Variants in METTL9 observed in about 807,000 individuals in gnomAD.
METTL9 encodes the protein methyltransferase 9, His-X-His N1(pi)-histidine.
In METTL9, 10 loss-of-function variants were observed where a neutral mutation model predicts 36.0. That is an observed-to-expected ratio of 0.28 (90% CI 0.17 to 0.47). The LOEUF (loss-of-function observed/expected upper bound fraction) is 0.47. METTL9 is among the 20% of genes least tolerant of loss of function. METTL9 has a pLI of 0.99. For synonymous variants in METTL9, 175 were observed against 149.7 expected (o/e 1.17, Z -1.23); for missense variants, 246 against 383.5 (o/e 0.64, Z 3.00).
rs138188044 is a variant in METTL9 at position 21,624,973 on chromosome 16, T to C, written c.609T>C (p.Tyr203=). 2.1e-4 allele frequency: 342 copies of C among 1,614,164 alleles called. 3 individuals carry two copies. The East Asian group carries it at 7.5e-3, about 36-fold the overall frequency. ...AATGGCAGAATACGGGGTTCCAGTA[T>C]GATGTCATCAGCTGCCTGAACTTGC... ...INEWQNTGFQ[Y]DVISCLNLLD... Residue 203 remains tyrosine (Y), a synonymous_variant, in exon 4 of 5, where the codon TAT becomes TAC. Transcript: ENST00000358154.
chr16:21,632,432 A>G (rs189152874), intron 4 of METTL9, among the ~76,000 whole-genome samples: 14 of 152,246 alleles, frequency 9.2e-5, no homozygotes, highest in Non-Finnish European at 8.8e-5. Context: ...CCACAAATGA[A>G]CTTCCATCGG....
intron 1 of METTL9, among the ~76,000 whole-genome samples, chr16:21,606,964 T>G (rs1965306056): frequency 6.6e-6 from 1 of 152,224 alleles, no homozygotes; most frequent in South Asian, 2.1e-4. Flanking sequence ...TTAACCATAT[T>G]TGGTCTGATT....
intron 4 of METTL9, chr16:21,654,037 T>TG: frequency 1.1e-5 from 1 of 87,442 alleles, no homozygotes; most frequent in Non-Finnish European, 2.2e-5. Flanking sequence ...GTCTGTTTTG[T>TG]TTTTTTTTTT....
intron 4 of METTL9, chr16:21,652,687 A>T (rs2141627531): frequency 2.1e-6 from 2 of 964,112 alleles, no homozygotes; most frequent in African/African-American, 1.6e-5. Context: ...TGAAGAGAGG[A>T]ACCTCTTATG....
upstream of METTL9, among the ~76,000 whole-genome samples, chr16:21,598,502 C>T (rs1965006025): frequency 4.6e-5 from 7 of 152,100 alleles, no homozygotes; most frequent in Admixed American, 4.6e-4. Context: ...AACTTAGACA[C>T]ATTTACATTA....
chr16:21,652,999 ACAG>A (rs1349742159), intron 4 of METTL9: 1 of 175,890 alleles, frequency 5.7e-6, no homozygotes, highest in African/African-American at 2.4e-5. Flanking sequence ...GGAACAAAGA[ACAG>A]CAGAAGGAGA....
chr16:21,624,082 T>C (rs1376719366), intron 3 of METTL9, among the ~76,000 whole-genome samples: 1 of 152,278 alleles, frequency 6.6e-6, no homozygotes, highest in East Asian at 1.9e-4. Context: ...TTCTGTATAG[T>C]TATTCAGATA....
chr16:21,655,022 G>T, intron 4 of METTL9: 1 of 586,244 alleles, frequency 1.7e-6, no homozygotes, highest in Non-Finnish European at 3.0e-6. Flanking sequence ...CCTTGCAAGC[G>T]TGGGCAAGTT....
At chr16:21,643,203 A>G (rs1966323981) in intron 4 of METTL9, 6 of 1,394,574 alleles carry the variant, frequency 4.3e-6, no homozygotes, top group Non-Finnish European at 6.0e-6. Flanking sequence ...AATATAAGCG[A>G]TGATAACGAC....
At chr16:21,612,942 A>T in intron 2 of METTL9, 107 bp downstream of exon 2, 1 of 985,606 alleles carries the variant, frequency 1.0e-6, no homozygotes, top group Non-Finnish European at 1.4e-6. Flanking sequence ...CCTGAGCTAC[A>T]ATACTTCTAC....
At chr16:21,606,932 A>AAAAATAATTTCAG (rs1965305508) in intron 1 of METTL9, among the ~76,000 whole-genome samples, 1 of 152,202 alleles carries the variant, frequency 6.6e-6, no homozygotes, top group African/African-American at 2.4e-5. Context: ...GATAAACTCC[A>AAAAATAATTTCAG]AAAATAATTT....
intron 1 of METTL9, among the ~76,000 whole-genome samples, chr16:21,609,805 A>T (rs969275099): frequency 3.3e-5 from 5 of 152,130 alleles, no homozygotes; most frequent in African/African-American, 7.2e-5. Context: ...AGCATTTTGG[A>T]TGTTATCCTA....
At chr16:21,604,633 C>A (rs1043554183) in intron 1 of METTL9, among the ~76,000 whole-genome samples, 2 of 152,160 alleles carry the variant, frequency 1.3e-5, no homozygotes, top group African/African-American at 4.8e-5. Flanking sequence ...TGAATATTTA[C>A]GCCTATGCTG....
chr16:21,635,659 A>T (rs1966074308), intron 4 of METTL9, among the ~76,000 whole-genome samples: 1 of 152,236 alleles, frequency 6.6e-6, no homozygotes, highest in East Asian at 1.9e-4. Flanking sequence ...GTGCAGAAAA[A>T]AATGAGCCGC....
intron 1 of METTL9, among the ~76,000 whole-genome samples, chr16:21,610,665 T>G (rs1471628207): frequency 6.6e-6 from 1 of 152,178 alleles, no homozygotes; most frequent in Non-Finnish European, 1.5e-5. Flanking sequence ...CTCTTGGTGC[T>G]TGAAAGCACT....
At chr16:21,628,787 C>T (rs1343882801) in intron 4 of METTL9, among the ~76,000 whole-genome samples, 1 of 152,032 alleles carries the variant, frequency 6.6e-6, no homozygotes, top group African/African-American at 2.4e-5. Context: ...TGAGCCACTG[C>T]ACCTGGCCTT....
intron 3 of METTL9, among the ~76,000 whole-genome samples, 188 bp from the exon 4 acceptor site, chr16:21,624,741 TAA>T (rs201717884): frequency 7.0e-6 from 1 of 143,470 alleles, no homozygotes. Flanking sequence ...AAGAAAAAAT[TAA>T]AAAAAAAAAA....
At chr16:21,615,481 G>A (rs1206577951) in intron 2 of METTL9, among the ~76,000 whole-genome samples, 3 of 151,870 alleles carry the variant, frequency 2.0e-5, no homozygotes, top group Admixed American at 6.6e-5. Context: ...CTCCCACCTC[G>A]GCCTCCCAAA....
intron 4 of METTL9, among the ~76,000 whole-genome samples, chr16:21,626,392 G>A (rs1965815562): frequency 6.6e-6 from 1 of 152,058 alleles, no homozygotes; most frequent in South Asian, 2.1e-4. Context: ...TGGATTTGTG[G>A]TGTCACAAAT....
Sources: gnomAD v4.1 joint callset for allele counts (sites outside exome capture counted in the v4.1 genomes callset) on GRCh38, gnomAD v4.1.1 for gene constraint, MANE v1.5 for transcripts, NCBI Gene and HGNC (gene_info 2026-07-23, HGNC 2026-07-21) for gene names.